RPS6KA3: variants seen among roughly 807,000 people sequenced by gnomAD.
RPS6KA3 encodes ribosomal protein S6 kinase alpha-3.
In RPS6KA3, 4 loss-of-function variants were observed where a neutral mutation model predicts 67.2. That is an observed-to-expected ratio of 0.06 (90% CI 0.03 to 0.14). The LOEUF (loss-of-function observed/expected upper bound fraction) is 0.14, where lower values mean the gene tolerates loss of function less well. Ranked by LOEUF, RPS6KA3 falls within the 10% of genes least tolerant of loss-of-function variation. The pLI, the probability that RPS6KA3 is intolerant of heterozygous loss-of-function variation, is 1.00. For missense variants in RPS6KA3, 204 were observed against 559.0 expected (o/e 0.36, Z 6.40); for synonymous variants, 182 against 183.7 (o/e 0.99, Z 0.07).
At chrX:20,159,149 C>T (rs2057945458) in intron 20 of RPS6KA3, among the ~76,000 whole-genome samples, 3 of 112,082 alleles carry the variant, frequency 2.7e-5, no homozygotes, top group Admixed American at 1.9e-4. Context: ...GTCTATTATG[C>T]CTCCTCAATT....
chrX:20,250,631 T>C, intron 1 of RPS6KA3, among the ~76,000 whole-genome samples: 1 of 112,446 alleles, frequency 8.9e-6, no homozygotes. Flanking sequence ...TTTTCTCCAT[T>C]AGTATCATGT....
chrX:20,261,660 TACACAC>T (rs944533091), intron 1 of RPS6KA3, among the ~76,000 whole-genome samples: 5 of 112,514 alleles, frequency 4.4e-5, no homozygotes, highest in Non-Finnish European at 9.4e-5. Flanking sequence ...ATAAAACACA[TACACAC>T]ACAGACACAC....
At chrX:20,167,018 G>A (rs996793308) in intron 17 of RPS6KA3, among the ~76,000 whole-genome samples, 4 of 110,408 alleles carry the variant, frequency 3.6e-5, no homozygotes, top group Non-Finnish European at 7.6e-5. Context: ...GCACCCGGCC[G>A]CCTTGTTTTA....
At chrX:20,238,392 ATACCTGTTGT>A (rs1448515219) in intron 1 of RPS6KA3, among the ~76,000 whole-genome samples, 4 of 111,443 alleles carry the variant, frequency 3.6e-5, no homozygotes, top group African/African-American at 9.7e-5. Flanking sequence ...CACACCCTGC[ATACCTGTTGT>A]TACTCTTAGT....
At chrX:20,160,211 C>T (rs758011585) in intron 20 of RPS6KA3, among the ~76,000 whole-genome samples, 31 of 111,703 alleles carry the variant, frequency 2.8e-4, no homozygotes, top group Non-Finnish European at 4.7e-4. Context: ...GACACTGCAC[C>T]GTATATTTTT....
intron 2 of RPS6KA3, among the ~76,000 whole-genome samples, chrX:20,231,333 A>G (rs1416990459): frequency 8.9e-6 from 1 of 112,101 alleles, no homozygotes; most frequent in Non-Finnish European, 1.9e-5. Flanking sequence ...TGAAGACTCA[A>G]TATTGTTAAA....
intron 7 of RPS6KA3, among the ~76,000 whole-genome samples, chrX:20,190,683 A>G (rs2068097383): frequency 9.0e-6 from 1 of 111,488 alleles, no homozygotes; most frequent in Non-Finnish European, 1.9e-5. Flanking sequence ...ATAAGTTGGG[A>G]AAATAATCAG....
intron 2 of RPS6KA3, among the ~76,000 whole-genome samples, chrX:20,223,860 G>A (rs2069045522): frequency 8.9e-6 from 1 of 111,735 alleles, no homozygotes; most frequent in African/African-American, 3.3e-5. Flanking sequence ...GTTTTCCCTT[G>A]TTTTCTAATT....
At chrX:20,244,116 T>G (rs1244509419) in intron 1 of RPS6KA3, among the ~76,000 whole-genome samples, 1 of 111,626 alleles carries the variant, frequency 9.0e-6, no homozygotes, top group Non-Finnish European at 1.9e-5. Context: ...TTAGAACAGG[T>G]AGATACTGAA....
chrX:20,251,515 A>G (rs944723838), intron 1 of RPS6KA3, among the ~76,000 whole-genome samples: 1 of 113,017 alleles, frequency 8.8e-6, no homozygotes, highest in East Asian at 2.8e-4. Context: ...ACGTCCATAG[A>G]TTCTGATGGA....
chrX:20,183,968 T>G (rs2067908683), intron 10 of RPS6KA3, among the ~76,000 whole-genome samples: 1 of 112,833 alleles, frequency 8.9e-6, no homozygotes, highest in Non-Finnish European at 1.9e-5. Context: ...TCAATCAATT[T>G]TTAACATTGG....
At chrX:20,254,529 C>T (rs952486714) in intron 1 of RPS6KA3, among the ~76,000 whole-genome samples, 6 of 111,715 alleles carry the variant, frequency 5.4e-5, no homozygotes, top group African/African-American at 1.3e-4. Context: ...TGGAAAACCA[C>T]TATTTTAGGA....
chrX:20,234,201 T>C (rs767082128), intron 2 of RPS6KA3, among the ~76,000 whole-genome samples: 13 of 112,906 alleles, frequency 1.2e-4, no homozygotes, highest in Non-Finnish European at 2.1e-4. Context: ...GGCACATGGC[T>C]CACGCCTGTA....
intron 2 of RPS6KA3, among the ~76,000 whole-genome samples, chrX:20,226,073 T>G (rs1008928645): frequency 2.7e-5 from 3 of 111,123 alleles, no homozygotes; most frequent in African/African-American, 9.8e-5. Context: ...TCCCAGCTAC[T>G]TGGGAGGCTG....
chrX:20,198,489 ATAACT>A (rs1255779272), intron 4 of RPS6KA3, among the ~76,000 whole-genome samples: 1 of 112,230 alleles, frequency 8.9e-6, no homozygotes, highest in African/African-American at 3.2e-5. Flanking sequence ...GGAACAGAAG[ATAACT>A]TAAACACCAC....
intron 18 of RPS6KA3, among the ~76,000 whole-genome samples, chrX:20,164,339 T>G (rs1205836200): frequency 1.9e-5 from 2 of 108,028 alleles, no homozygotes; most frequent in Non-Finnish European, 3.8e-5. Context: ...GAACTTCAGG[T>G]AGGGAATACC....
intron 17 of RPS6KA3, among the ~76,000 whole-genome samples, chrX:20,165,951 T>C (rs905907010): frequency 2.7e-5 from 3 of 111,896 alleles, no homozygotes; most frequent in African/African-American, 9.7e-5. Context: ...TAGATATATA[T>C]ACCTATGATA....
chrX:20,230,384 G>T (rs751586495), intron 2 of RPS6KA3, among the ~76,000 whole-genome samples: 1 of 112,086 alleles, frequency 8.9e-6, no homozygotes, highest in South Asian at 3.7e-4. Flanking sequence ...CAAGGTCAAA[G>T]TGGAAGTGGT....
chrX:20,216,682 G>A (rs1187849203), intron 2 of RPS6KA3, among the ~76,000 whole-genome samples: 1 of 110,687 alleles, frequency 9.0e-6, no homozygotes, highest in East Asian at 2.8e-4. Context: ...TCAAGCACCT[G>A]GGGGAAAAGC....
Sources: gnomAD v4.1 joint callset for allele counts (sites outside exome capture counted in the v4.1 genomes callset) on GRCh38, gnomAD v4.1.1 for gene constraint, MANE v1.5 for transcripts, NCBI Gene and HGNC (gene_info 2026-07-23, HGNC 2026-07-21) for gene names.